TACC2: variants seen among roughly 807,000 people sequenced by gnomAD.
TACC2 encodes the protein transforming acidic coiled-coil-containing protein 2.
TACC2 carries 137 observed loss-of-function variants against 227.3 expected under a neutral mutation model. The observed-to-expected ratio is 0.60, with a 90% confidence interval of 0.52 to 0.69. TACC2 has a LOEUF of 0.69. TACC2 is among the 30% of genes least tolerant of loss of function. The pLI is 0.00. For missense variants in TACC2, 3,470 were observed against 3,694.4 expected (o/e 0.94, Z 1.57); for synonymous variants, 1,523 against 1,487.5 (o/e 1.02, Z -0.55).
At chr10:122,054,218 G>C (rs546345257) in intron 3 of TACC2, among the ~76,000 whole-genome samples, 3 of 152,328 alleles carry the variant, frequency 2.0e-5, no homozygotes, top group African/African-American at 7.2e-5. Context: ...TGGTTGCCAC[G>C]TGGTGGCGCT....
chr10:122,201,944 C>G (rs944003022), intron 8 of TACC2, among the ~76,000 whole-genome samples: 1 of 151,714 alleles, frequency 6.6e-6, no homozygotes, highest in African/African-American at 2.4e-5. Flanking sequence ...TGACTCTGCG[C>G]TCTTTGAAAC....
intron 1 of TACC2, among the ~76,000 whole-genome samples, chr10:122,020,346 CA>C (rs1374268462): frequency 1.3e-5 from 2 of 151,170 alleles, no homozygotes; most frequent in East Asian, 1.9e-4. Flanking sequence ...GTGTCTACAG[CA>C]AAAGGCAAGA....
chr10:122,167,924 T>A (rs1483233026), intron 7 of TACC2, among the ~76,000 whole-genome samples: 1 of 152,140 alleles, frequency 6.6e-6, no homozygotes, highest in Non-Finnish European at 1.5e-5. Context: ...TTTCACTCTG[T>A]TGCGCAGGCT....
At chr10:122,237,350 G>C in intron 16 of TACC2, 45 bp from the exon 17 acceptor site, 1 of 1,571,484 alleles carries the variant, frequency 6.4e-7, no homozygotes, top group Non-Finnish European at 8.6e-7. Flanking sequence ...TTTGTCGTAT[G>C]ATTAATGCTA....
chr10:122,137,456 A>T (rs1248547175), intron 6 of TACC2, among the ~76,000 whole-genome samples: 2 of 151,958 alleles, frequency 1.3e-5, no homozygotes, highest in Admixed American at 1.3e-4. Flanking sequence ...AGCCTGGTTG[A>T]CACACTGAGG....
At chr10:122,017,950 G>T (rs1956886387) in intron 1 of TACC2, among the ~76,000 whole-genome samples, 1 of 140,084 alleles carries the variant, frequency 7.1e-6, no homozygotes. Context: ...CCTGGTAGTG[G>T]AATTCTTTTT....
At chr10:122,227,726 C>T in intron 13 of TACC2, 111 bp from the exon 14 acceptor site, 1 of 1,251,500 alleles carries the variant, frequency 8.0e-7, no homozygotes, top group Non-Finnish European at 1.1e-6. Flanking sequence ...GCTCATATCC[C>T]TCTGGAAGTC....
At chr10:122,017,818 C>CAAAAAAAA (rs5788525) in intron 1 of TACC2, among the ~76,000 whole-genome samples, 1 of 74,956 alleles carries the variant, frequency 1.3e-5, no homozygotes, top group African/African-American at 5.0e-5. Context: ...GAAACTGTCT[C>CAAAAAAAA]AAAAAAAAAA....
At chr10:122,015,075 G>A (rs1591055635) in intron 1 of TACC2, among the ~76,000 whole-genome samples, 1 of 4,838 alleles carries the variant, frequency 2.1e-4, no homozygotes, top group African/African-American at 9.4e-4. Flanking sequence ...ACCACTTATG[G>A]TACTTACAGG....
chr10:122,041,032 G>A (rs2074190797), intron 2 of TACC2, among the ~76,000 whole-genome samples: 2 of 152,204 alleles, frequency 1.3e-5, no homozygotes, highest in South Asian at 4.1e-4. Flanking sequence ...GGAGACCTCA[G>A]CAATGTGGAC....
At position 122,105,933 on chromosome 10, in the gene TACC2, A is replaced by AG. The variant is rs200174562; in HGVS notation, c.5573+17342_5573+17343insG. ...CCACTGCGCCTGGCCTGTCATAAACATTTTCTCTCTCTGTGTGTGTGTGTG... is the reference window on the plus strand; with the variant it reads ...CCACTGCGCCTGGCCTGTCATAAACAGTTTTCTCTCTCTGTGTGTGTGTGTG... On this transcript the variant is annotated intron_variant, in intron 5 of 22. Coordinates refer to ENST00000369005, the MANE Select transcript of TACC2 (RefSeq NM_206862.4). Among the ~76,000 whole-genome samples the AG allele has an allele frequency of 9.3e-3, 1,134 of 121,874 alleles. 7 individuals are homozygous for AG. Among genetic ancestry groups the AG allele is most frequent in the Non-Finnish European group, 9.2e-3 (529 of 57,378 alleles). The allele number at this position is 121,874 out of a possible 152,430, so 80.0% of individuals were successfully genotyped here.
chr10:122,248,464 TTTG>T (rs1181999267), intron 19 of TACC2, 176 bp from the exon 20 acceptor site: 12 of 694,124 alleles, frequency 1.7e-5, no homozygotes, highest in Admixed American at 2.8e-5. Flanking sequence ...GGCTCTGGTT[TTTG>T]TTCTGTTAGA....
chr10:122,167,108 C>T (rs2093217109), intron 7 of TACC2, among the ~76,000 whole-genome samples: 1 of 152,204 alleles, frequency 6.6e-6, no homozygotes, highest in Non-Finnish European at 1.5e-5. Flanking sequence ...ACCCTGGCCA[C>T]TGAAAACCAC....
In TACC2 at chr10:122,083,784, T is replaced by C; in HGVS notation, c.1284T>C (p.Ala428=). The C allele has an allele frequency of 6.2e-7, 1 of 1,614,170 alleles. No homozygotes were observed. The highest frequency in any genetic ancestry group is 8.5e-7 in the Non-Finnish European group (1 of 1,180,040). ...PASSLASFPA[A]QIPIAVEEPG... is the part of the protein sequence containing the mutation. ...CAAGCCTCGCTTCATTCCCAGCTGC[T>C]CAGATTCCTATTGCTGTAGAAGAAC... Residue 428 remains alanine, a synonymous_variant, in exon 4 of 23, where the codon GCT becomes GCC. Coordinates refer to ENST00000369005, the MANE Select transcript of TACC2 (RefSeq NM_206862.4).
intron 7 of TACC2, among the ~76,000 whole-genome samples, chr10:122,186,479 C>T (rs1283626942): frequency 1.3e-5 from 2 of 152,072 alleles, no homozygotes; most frequent in African/African-American, 4.8e-5. Context: ...AGGTGACGAG[C>T]AAGACTCAGT....
In TACC2 at chr10:122,050,508, A is replaced by G; in HGVS notation, c.104A>G (p.Gln35Arg). The G allele has an allele frequency of 6.2e-6, 10 of 1,614,148 alleles. No individual in the cohort carries two copies. Among genetic ancestry groups the G allele is most frequent in the Non-Finnish European group, 8.5e-6 (10 of 1,180,026 alleles). Residue 35 changes from glutamine to arginine, a missense_variant, in exon 3 of 23, where the codon CAG (glutamine) becomes CGG (arginine). Physicochemically the swap from Gln to Arg is conservative, Grantham distance 43. Around this residue, in one of 10 missense-constraint regions of TACC2, gnomAD observed 405 missense variants for 389.6 expected, o/e 1.04. Transcript: ENST00000369005. The surrounding 1 kb of genome is among the most constrained non-coding windows in gnomAD (Gnocchi z 4.6). ...PGNSQNIKRK[Q>R]QDTPGSPDHR... ...AACAGTCAGAATATAAAAAGGAAGC[A>G]GCAGGACACGCCCGGAAGCCCTGAC...
chr10:122,114,358 G>C (rs1444509163), intron 5 of TACC2, among the ~76,000 whole-genome samples: 1 of 152,242 alleles, frequency 6.6e-6, no homozygotes, highest in Admixed American at 6.5e-5. Flanking sequence ...TGTTTGGTCT[G>C]TGAGATGCAC....
At chr10:122,213,557 A>G (rs1176151855) in intron 9 of TACC2, among the ~76,000 whole-genome samples, 2 of 152,230 alleles carry the variant, frequency 1.3e-5, no homozygotes, top group Non-Finnish European at 2.9e-5. Context: ...TCTGTTTCAT[A>G]GTGATTTGCA....
chr10:122,086,218 G>A lies in TACC2; in HGVS notation c.3718G>A (p.Val1240Ile). ...VAAPDTPYLH[V>I]DSAAQRGAED... ...TGCTCCTGACACCCCTTACCTGCATGTCGACAGTGCTGCCCAGAGAGGAGC... is the reference window on the plus strand; with the variant it reads ...TGCTCCTGACACCCCTTACCTGCATATCGACAGTGCTGCCCAGAGAGGAGC... The change falls in exon 4 of 23, where the codon GTC becomes ATC. Residue 1240 changes from valine to isoleucine, a missense_variant. Physicochemically the swap from Val to Ile is conservative, Grantham distance 29 (BLOSUM62 3). Around this residue, in one of 10 missense-constraint regions of TACC2, gnomAD observed 1,924 missense variants for 1,978.3 expected, o/e 0.97. Coordinates refer to ENST00000369005, the MANE Select transcript of TACC2 (RefSeq NM_206862.4). 6.2e-7 allele frequency: 1 copy of A among 1,613,878 alleles called. No individual in the cohort carries two copies. Among genetic ancestry groups the A allele is most frequent in the Non-Finnish European group, 8.5e-7 (1 of 1,180,044 alleles).
Sources: allele counts gnomAD v4.1 joint callset (sites outside exome capture counted in the v4.1 genomes callset), GRCh38; gene constraint gnomAD v4.1.1; regional missense constraint gnomAD v4.1.1; non-coding constraint Gnocchi (gnomAD v3.1); transcripts MANE v1.5; gene names NCBI Gene and HGNC (gene_info 2026-07-23, HGNC 2026-07-21).